SETD9: variants seen among roughly 807,000 people sequenced by gnomAD.
The protein encoded by SETD9 is SET domain containing 9, also known as SET domain-containing protein 9.
A neutral mutation model predicts 36.4 loss-of-function variants in SETD9; 37 were observed. That is an observed-to-expected ratio of 1.02 (90% CI 0.78 to 1.34). The LOEUF is 1.34. SETD9 is among the 40% of genes most tolerant of loss of function. SETD9 has a pLI of 0.00. For synonymous variants in SETD9, 128 were observed against 132.9 expected, an observed-to-expected ratio of 0.96 and a Z score of 0.26; for missense variants, 323 against 353.2, an observed-to-expected ratio of 0.91 and a Z score of 0.69.
chr5:56,921,433 A>G (rs1373440968), downstream of SETD9: 1 of 152,580 alleles, frequency 6.6e-6, no homozygotes, highest in Non-Finnish European at 1.5e-5. Flanking sequence ...AGATGTATAA[A>G]TTAGAGACTG....
intron 5 of SETD9, 85 bp downstream of exon 5, chr5:56,915,051 G>T: frequency 2.9e-6 from 3 of 1,046,932 alleles, no homozygotes; most frequent in Admixed American, 3.3e-5. Context: ...TAGAATTTGG[G>T]GTAAAATTTT....
upstream of SETD9, chr5:56,909,578 C>T: frequency 1.5e-6 from 2 of 1,311,456 alleles, no homozygotes; most frequent in Non-Finnish European, 2.1e-6. Context: ...TCCTCCCGGG[C>T]CGGGGCGGGC....
intron 2 of SETD9, chr5:56,912,181 G>A (rs939643029): frequency 5.1e-6 from 5 of 984,274 alleles, no homozygotes; most frequent in Non-Finnish European, 4.8e-6. Context: ...AAAAGCGTAC[G>A]GATCAAAACA....
intron 2 of SETD9, chr5:56,912,085 G>C (rs1749161205): frequency 1.7e-6 from 1 of 585,550 alleles, no homozygotes; most frequent in Non-Finnish European, 2.2e-6. Flanking sequence ...AACCCGGGAG[G>C]CGGAGGTTGC....
At chr5:56,916,472 T>C (rs1263797776) in intron 5 of SETD9, among the ~76,000 whole-genome samples, 1 of 152,216 alleles carries the variant, frequency 6.6e-6, no homozygotes, top group Non-Finnish European at 1.5e-5. Flanking sequence ...AATGTTTTCA[T>C]TTTTCAGGAT....
At chr5:56,909,525 C>T (rs1748976769), upstream of SETD9, 1 of 669,862 alleles carries the variant, frequency 1.5e-6, no homozygotes, top group Non-Finnish European at 2.4e-6. Flanking sequence ...GCCAGGAACA[C>T]TGAGAGCGGA....
At position 56,916,983 on chromosome 5, in the gene SETD9, AC is replaced by A; in HGVS notation, c.*83del. 1 of 1,428,332 alleles carries A rather than the reference AC, an allele frequency of 7.0e-7. No homozygotes were observed. Among genetic ancestry groups the A allele is most frequent in the Non-Finnish European group, 9.1e-7 (1 of 1,093,700 alleles). 88.5% of individuals were successfully genotyped at this position (1,428,332 alleles called of 1,614,324 possible). ...TTTGTTAATCACTTCTCTGAGTTCTACCTGTAAAACAAATATTTTGAGACTT... is the reference window on the plus strand; with the variant it reads ...TTTGTTAATCACTTCTCTGAGTTCTACTGTAAAACAAATATTTTGAGACTT... On this transcript the variant is annotated 3_prime_UTR_variant, in exon 6 of 6. Coordinates refer to ENST00000285947, the MANE Select transcript of SETD9 (RefSeq NM_153706.4).
At chr5:56,922,894 T>C in intron 5 of SETD9, 1 of 510,590 alleles carries the variant, frequency 2.0e-6, no homozygotes, top group South Asian at 2.4e-5. Flanking sequence ...AGCTTAAAGC[T>C]GCACCACAGA....
At chr5:56,914,254 A>G (rs963029839) in intron 4 of SETD9, among the ~76,000 whole-genome samples, 3 of 152,198 alleles carry the variant, frequency 2.0e-5, no homozygotes, top group African/African-American at 7.2e-5. Flanking sequence ...GATCATTATT[A>G]TTTTAGCATT....
chr5:56,928,736 T>G, downstream of SETD9: 1 of 1,477,422 alleles, frequency 6.8e-7, no homozygotes, highest in Admixed American at 1.9e-5. Context: ...CTGTAACTAG[T>G]AATTTATCTG....
chr5:56,914,625 A>G (rs1025582183), intron 4 of SETD9, among the ~76,000 whole-genome samples: 1 of 152,146 alleles, frequency 6.6e-6, no homozygotes, highest in Non-Finnish European at 1.5e-5. Flanking sequence ...AAAGTAATAA[A>G]ACATGTTTTA....
At chr5:56,926,610 C>T (rs142214252), downstream of SETD9, among the ~76,000 whole-genome samples, 20 of 152,236 alleles carry the variant, frequency 1.3e-4, no homozygotes, top group East Asian at 3.9e-3. Flanking sequence ...AGATGTAGAG[C>T]AATAGAACTC....
intron 1 of SETD9, chr5:56,910,360 C>G (rs1561216344): frequency 1.5e-6 from 2 of 1,304,258 alleles, no homozygotes; most frequent in East Asian, 5.6e-5. Flanking sequence ...GAACGCCACT[C>G]AAAAGCACGT....
intron 5 of SETD9, chr5:56,925,267 G>A (rs1261185340): frequency 9.1e-6 from 4 of 437,792 alleles, no homozygotes; most frequent in Non-Finnish European, 4.5e-6. Context: ...AATGCAGTAA[G>A]ACAAGAAAAA....
chr5:56,923,901 G>A lies in SETD9; in HGVS notation c.813-1432G>A, dbSNP rs774572005. ...TTAAAAGTAAGTCTTTGAAGGCAAG[G>A]CCACAGTACTTACGTAACTCCAGGG... On this transcript the variant is annotated intron_variant, in intron 5 of 5. Coordinates refer to the SETD9 transcript ENST00000628593. The A allele has an allele frequency of 1.9e-6, 3 of 1,613,860 alleles. No homozygotes were observed. In the African/African-American group the frequency reaches 4.0e-5, roughly 22 times the overall value.
intron 4 of SETD9, 36 bp downstream of exon 4, chr5:56,914,025 A>G (rs1255601353): frequency 2.1e-6 from 3 of 1,428,288 alleles, no homozygotes; most frequent in Non-Finnish European, 3.0e-6. Context: ...GATGAGATAT[A>G]TCAATGGCTA....
rs1749471793 is a variant in SETD9, at chr5:56,917,122, T to G, written c.*220T>G. The G allele has an allele frequency of 8.1e-7, 1 of 1,229,478 alleles. No individual in the cohort carries two copies. The highest frequency in any genetic ancestry group is 1.6e-5 in the African/African-American group (1 of 62,874). 76.2% of individuals were successfully genotyped at this position (1,229,478 alleles called of 1,614,324 possible). A position where few individuals can be genotyped will look rare whatever the true frequency, so the allele number is the denominator to read the frequency against. On this transcript the variant is annotated 3_prime_UTR_variant, in exon 6 of 6. Transcript: ENST00000285947. ...CAAATTTGTAATGCAATTCCAAGTT[T>G]AATTGGTTTTCACCTAAATACACAA...
rs768851996 is a variant in SETD9 at position 56,911,220 on chromosome 5, A to C, written c.150A>C (p.Glu50Asp). 54 of 1,583,726 alleles carry C rather than the reference A, an allele frequency of 3.4e-5. No homozygotes were observed. Among genetic ancestry groups the C allele is most frequent in the Non-Finnish European group, 4.5e-5 (53 of 1,168,718 alleles). The change falls in exon 2 of 6, where the codon GAA becomes GAC. Residue 50 changes from glutamate (E) to aspartate (D), a missense_variant. Transcript: ENST00000285947. ...CCAAAGACAAAGTTATCTCAGATGA[A>C]GATGTCCTAGGAACATTACTGAAAG... ...EESKDKVISD[E>D]DVLGTLLKVF...
chr5:56,919,744 C>T (rs1450393944), downstream of SETD9: 1 of 152,586 alleles, frequency 6.6e-6, no homozygotes, highest in East Asian at 1.9e-4. Flanking sequence ...ACATCTGATA[C>T]TGAAACTTGT....
Sources: allele counts gnomAD v4.1 joint callset (sites outside exome capture counted in the v4.1 genomes callset), GRCh38; gene constraint gnomAD v4.1.1; transcripts MANE v1.5; gene names NCBI Gene and HGNC (gene_info 2026-07-23, HGNC 2026-07-21).